Variants in DNAAF5 observed in about 807,000 individuals in gnomAD.
The protein encoded by DNAAF5 is dynein axonemal assembly factor 5.
Under a neutral mutation model 75.8 loss-of-function variants are expected in DNAAF5, and 64 were observed. The observed-to-expected ratio is 0.84, with a 90% CI of 0.69 to 1.04. The LOEUF is 1.04. Ranked by LOEUF, DNAAF5 falls within the 50% of genes least tolerant of loss-of-function variation. The pLI is 0.00. For synonymous variants in DNAAF5, 657 were observed against 557.2 expected (o/e 1.18, Z -2.52); for missense variants, 1,269 against 1,178.5 (o/e 1.08, Z -1.12).
chr7:780,110 C>T lies in DNAAF5; in HGVS notation c.2397C>T (p.Asp799=), dbSNP rs761873627. The T allele has an allele frequency of 1.1e-4, 176 of 1,614,020 alleles. No homozygotes were observed. Among genetic ancestry groups the T allele is most frequent in the Non-Finnish European group, 1.3e-4 (154 of 1,179,996 alleles). Residue 799 remains aspartate, a synonymous_variant, in exon 12 of 13, where the codon GAC becomes GAT. Transcript: ENST00000297440. ...ACCGAGAGTTGCTGGTTCACCTTGA[C>T]GATCCAGAGAGGGCCATCCAGGATG... The part of the protein sequence containing the change: ...YLYRELLVHL[D]DPERAIQDAI...
At position 775,828 on chromosome 7, in the gene DNAAF5, G is replaced by A. The variant is rs545051603; in HGVS notation, c.2239+666G>A. 2.6e-5 allele frequency among the ~76,000 whole-genome samples: 4 copies of A among 151,520 alleles called. No homozygotes were observed. The East Asian group carries it at 5.8e-4, about 22-fold the overall frequency. On this transcript the variant is annotated intron_variant, in intron 11 of 12. Transcript: ENST00000297440. ...AACCCACGTGAAGGAAGCGTCGTGT[G>A]GATGTTACATTTAGCGTTAAACGTA...
At chr7:750,120 G>A (rs1390158416) in intron 4 of DNAAF5, among the ~76,000 whole-genome samples, 2 of 152,182 alleles carry the variant, frequency 1.3e-5, no homozygotes, top group African/African-American at 2.4e-5. Flanking sequence ...CCCTCTGATA[G>A]TAACATTGTG....
chr7:774,544 G>A (rs1453140933), intron 10 of DNAAF5, among the ~76,000 whole-genome samples: 3 of 120,726 alleles, frequency 2.5e-5, no homozygotes, highest in East Asian at 2.4e-4. Context: ...GCCAGAGGAC[G>A]GGCCTGGGCT....
chr7:753,958 GTCTC>G (rs1234201703), intron 4 of DNAAF5, among the ~76,000 whole-genome samples: 5 of 146,082 alleles, frequency 3.4e-5, no homozygotes, highest in South Asian at 2.2e-4. Context: ...TCGCAGGCGT[GTCTC>G]TCTCATCATA....
In DNAAF5 at chr7:742,963, T is replaced by C. The variant is rs576281451; in HGVS notation, c.1024+1498T>C. Among the ~76,000 whole-genome samples, 144 of 152,378 alleles carry C rather than the reference T, an allele frequency of 9.5e-4. 1 individual carries two copies. Among genetic ancestry groups the C allele is most frequent in the African/African-American group, 3.3e-3 (139 of 41,594 alleles). On this transcript the variant is annotated intron_variant, in intron 4 of 12. Coordinates refer to ENST00000297440, the MANE Select transcript of DNAAF5 (RefSeq NM_017802.4). ...GCCCAAATCAGATGCCCTGAGAGAT[T>C]TGCAGTCTCAACTTACTTCCCATGT...
At chr7:758,559 G>C (rs141816405) in intron 6 of DNAAF5, among the ~76,000 whole-genome samples, 2 of 152,216 alleles carry the variant, frequency 1.3e-5, no homozygotes, top group African/African-American at 4.8e-5. Context: ...AACCCAAGAC[G>C]TACATTTCAC....
intron 8 of DNAAF5, among the ~76,000 whole-genome samples, chr7:765,082 C>T (rs1405502825): frequency 1.3e-5 from 2 of 152,228 alleles, no homozygotes; most frequent in Admixed American, 6.5e-5. Flanking sequence ...GACTGCACTG[C>T]TGCACTCCAG....
At chr7:785,379 T>C in intron 12 of DNAAF5, 138 bp from the exon 13 acceptor site, 2 of 907,304 alleles carry the variant, frequency 2.2e-6, no homozygotes, top group African/African-American at 1.6e-5. Context: ...GACTACTGTA[T>C]GTCCACCCAG....
chr7:769,575 G>T (rs544453030), intron 8 of DNAAF5, among the ~76,000 whole-genome samples: 2 of 152,280 alleles, frequency 1.3e-5, no homozygotes, highest in Non-Finnish European at 2.9e-5. Flanking sequence ...TTCTTTCACT[G>T]AAACAATTGA....
intron 6 of DNAAF5, among the ~76,000 whole-genome samples, chr7:759,820 G>A (rs996148499): frequency 1.3e-5 from 2 of 152,132 alleles, no homozygotes; most frequent in African/African-American, 4.8e-5. Flanking sequence ...CAGCCAGGAG[G>A]GGCTGTGTCT....
At chr7:768,764 T>C (rs1778443681) in intron 8 of DNAAF5, 1 of 193,850 alleles carries the variant, frequency 5.2e-6, no homozygotes, top group Non-Finnish European at 1.1e-5. Context: ...CCCGTCAGCG[T>C]GCTTCTTTTT....
At chr7:759,370 C>G (rs906695222) in intron 6 of DNAAF5, among the ~76,000 whole-genome samples, 3 of 152,118 alleles carry the variant, frequency 2.0e-5, no homozygotes, top group Non-Finnish European at 2.9e-5. Context: ...GCTCGACAGA[C>G]GGGAACTGGA....
chr7:769,798 C>G (rs1778491652), intron 8 of DNAAF5, among the ~76,000 whole-genome samples: 1 of 152,134 alleles, frequency 6.6e-6, no homozygotes, highest in South Asian at 2.1e-4. Context: ...CACCACCACG[C>G]CCAGCTAATT....
chr7:767,585 T>C (rs1047967908), intron 8 of DNAAF5, among the ~76,000 whole-genome samples: 1 of 151,902 alleles, frequency 6.6e-6, no homozygotes, highest in Non-Finnish European at 1.5e-5. Flanking sequence ...AAAACAATTA[T>C]CCTAAGCCTT....
chr7:739,143 GTC>G (rs1781827380), intron 2 of DNAAF5, among the ~76,000 whole-genome samples: 1 of 68,494 alleles, frequency 1.5e-5, no homozygotes, highest in Non-Finnish European at 3.1e-5. Flanking sequence ...GCTGGCTGCA[GTC>G]TGGCTTGTCT....
Position 786,369 on chromosome 7 carries a change from C to T in DNAAF5, c.*716C>T, listed in dbSNP as rs141062368. The T allele has an allele frequency of 1.3e-5, 2 of 152,292 alleles. No individual in the cohort carries two copies. Among genetic ancestry groups the T allele is most frequent in the Non-Finnish European group, 2.9e-5 (2 of 68,028 alleles). The allele number at this position is 152,292 out of a possible 1,614,324, so 9.4% of individuals were successfully genotyped here. On this transcript the variant is annotated 3_prime_UTR_variant, in exon 13 of 13. Coordinates refer to ENST00000297440, the MANE Select transcript of DNAAF5 (RefSeq NM_017802.4). The stretch of plus-strand genomic sequence containing the variant: ...ATCTCATTGTAAGTGGGTAGTGTTA[C>T]CGGAAGCCATTGTGTTCACACGGGG...
intron 4 of DNAAF5, among the ~76,000 whole-genome samples, chr7:752,773 A>G (rs974558758): frequency 1.3e-5 from 2 of 152,260 alleles, no homozygotes; most frequent in Non-Finnish European, 2.9e-5. Context: ...GCCTGTTGAA[A>G]AAACGAAAAG....
chr7:740,972 T>A, intron 3 of DNAAF5, 29 bp downstream of exon 3: 4 of 1,608,148 alleles, frequency 2.5e-6, no homozygotes, highest in Non-Finnish European at 3.4e-6. Flanking sequence ...GCGGGCCTTG[T>A]CTTCCTAAAC....
chr7:733,697 T>C (rs1433047083), intron 2 of DNAAF5, among the ~76,000 whole-genome samples: 1 of 152,150 alleles, frequency 6.6e-6, no homozygotes, highest in African/African-American at 2.4e-5. Context: ...AGTTTCACCA[T>C]GTTAGCCAGG....
Sources: gnomAD v4.1 joint callset for allele counts (sites outside exome capture counted in the v4.1 genomes callset) on GRCh38, gnomAD v4.1.1 for gene constraint, MANE v1.5 for transcripts, NCBI Gene and HGNC (gene_info 2026-07-23, HGNC 2026-07-21) for gene names.